The following BCAS1 variants were observed in gnomAD, a reference collection of about 807,000 sequenced individuals.
BCAS1 encodes brain enriched myelin associated protein 1.
In BCAS1, 46 loss-of-function variants were observed where a neutral mutation model predicts 65.4. The ratio of observed to expected loss-of-function variants is 0.70; its 90% CI spans 0.55 to 0.90. BCAS1 has a LOEUF of 0.90. Ranked by LOEUF, BCAS1 falls within the 40% of genes least tolerant of loss-of-function variation. BCAS1 has a pLI of 0.00. For synonymous variants in BCAS1, 298 were observed against 293.5 expected, an observed-to-expected ratio of 1.02 and a Z score of -0.16; for missense variants, 793 against 771.2, an observed-to-expected ratio of 1.03 and a Z score of -0.33.
At chr20:53,964,437 A>T (rs2089973326) in intron 10 of BCAS1, among the ~76,000 whole-genome samples, 1 of 152,224 alleles carries the variant, frequency 6.6e-6, no homozygotes, top group South Asian at 2.1e-4. Context: ...TTTTAAAGTA[A>T]ATTCCAACAA....
chr20:53,944,377 C>T lies in BCAS1; in HGVS notation c.*545G>A, dbSNP rs936723397. Reference sequence around the variant, plus strand: ...AGGGTGGAGTGCAATGGTGCAACTTCGGCTCACTGCAACCTCCACCTCCTG... The same window carrying T: ...AGGGTGGAGTGCAATGGTGCAACTTTGGCTCACTGCAACCTCCACCTCCTG... On this transcript the variant is annotated 3_prime_UTR_variant, in exon 13 of 13. Transcript: ENST00000688948. 3.3e-5 allele frequency: 5 copies of T among 152,820 alleles called. No homozygotes were observed. Among genetic ancestry groups the T allele is most frequent in the African/African-American group, 1.2e-4 (5 of 41,208 alleles). 9.5% of individuals were successfully genotyped at this position (152,820 alleles called of 1,614,324 possible). A position where few individuals can be genotyped will look rare whatever the true frequency, so the allele number is the denominator to read the frequency against.
intron 10 of BCAS1, among the ~76,000 whole-genome samples, chr20:53,966,282 G>A (rs2090023614): frequency 6.6e-6 from 1 of 152,188 alleles, no homozygotes; most frequent in Non-Finnish European, 1.5e-5. Context: ...GTACACCATG[G>A]AATACTACTC....
intron 4 of BCAS1, among the ~76,000 whole-genome samples, chr20:54,005,898 TA>T (rs1369012379): frequency 6.6e-6 from 1 of 151,938 alleles, no homozygotes; most frequent in Non-Finnish European, 1.5e-5. Context: ...GGGGAGGGTT[TA>T]GGGGGCAGGT....
intron 10 of BCAS1, 144 bp downstream of exon 10, chr20:53,966,762 T>A: frequency 1.4e-6 from 1 of 714,196 alleles, no homozygotes; most frequent in Non-Finnish European, 2.2e-6. Context: ...AAAGGGAATT[T>A]TCTCACTATG....
intron 4 of BCAS1, among the ~76,000 whole-genome samples, chr20:54,002,464 C>T (rs2091080024): frequency 1.3e-5 from 2 of 152,212 alleles, no homozygotes; most frequent in Admixed American, 1.3e-4. Flanking sequence ...AAAGCTTCTA[C>T]TCTGTTAATA....
intron 4 of BCAS1, among the ~76,000 whole-genome samples, chr20:54,024,065 G>T (rs183263133): frequency 6.6e-6 from 1 of 152,320 alleles, no homozygotes; most frequent in Non-Finnish European, 1.5e-5. Flanking sequence ...CTAAAAGTGT[G>T]AACAATGTGA....
intron 4 of BCAS1, among the ~76,000 whole-genome samples, chr20:54,001,477 C>T (rs1312878344): frequency 6.6e-6 from 1 of 152,192 alleles, no homozygotes; most frequent in Non-Finnish European, 1.5e-5. Context: ...TTCACCTCCC[C>T]AGTTGTTCTT....
chr20:53,986,900 T>C (rs1462986322), intron 7 of BCAS1, among the ~76,000 whole-genome samples: 1 of 152,062 alleles, frequency 6.6e-6, no homozygotes, highest in Non-Finnish European at 1.5e-5. Context: ...AAAAAAAATA[T>C]AGAATATGGA....
intron 3 of BCAS1, among the ~76,000 whole-genome samples, chr20:54,043,297 TTGA>T (rs3831640): frequency 0.7 from 105,450 of 149,848 alleles, 37,425 homozygotes; most frequent in East Asian, 0.89. Context: ...CTATGATAAC[TTGA>T]TGATGATGAT....
At chr20:53,995,768 C>G (rs2090890854) in intron 5 of BCAS1, 124 bp downstream of exon 5, 1 of 1,139,462 alleles carries the variant, frequency 8.8e-7, no homozygotes, top group Non-Finnish European at 1.2e-6. Context: ...CCTGTTCTCT[C>G]CCATGCTCCA....
chr20:53,974,393 G>A (rs147300781), intron 9 of BCAS1, among the ~76,000 whole-genome samples: 4 of 152,254 alleles, frequency 2.6e-5, no homozygotes, highest in East Asian at 1.9e-4. Flanking sequence ...AGAACCCACC[G>A]GAAGGAACCA....
chr20:54,033,932 A>G (rs2091851313), intron 3 of BCAS1, among the ~76,000 whole-genome samples: 1 of 151,432 alleles, frequency 6.6e-6, no homozygotes, highest in South Asian at 2.1e-4. Flanking sequence ...GCAGCACACC[A>G]AAAAGCTTAT....
chr20:54,062,792 CT>C (rs1191630322), intron 1 of BCAS1, among the ~76,000 whole-genome samples: 1 of 152,174 alleles, frequency 6.6e-6, no homozygotes, highest in African/African-American at 2.4e-5. Context: ...AATGGCGTGT[CT>C]TTTTCAGTGA....
intron 3 of BCAS1, among the ~76,000 whole-genome samples, chr20:54,034,321 T>C (rs934267519): frequency 6.6e-6 from 1 of 151,164 alleles, no homozygotes; most frequent in Non-Finnish European, 1.5e-5. Context: ...CGCATCCAAA[T>C]AGGAAGAGAG....
In BCAS1 at chr20:53,957,351, G is replaced by T. The variant is rs566986763; in HGVS notation, c.1551+81C>A. On this transcript the variant is annotated intron_variant, in intron 11 of 12. Coordinates refer to ENST00000688948, the MANE Select transcript of BCAS1 (RefSeq NM_001366298.2). ...TATTAAATGAGTTGGCTGTGGCTGA[G>T]AATTTTATTGAAAAGTATACTGTGA... 2.9e-5 allele frequency: 39 copies of T among 1,326,922 alleles called. No individual in the cohort carries two copies. The East Asian group carries it at 8.5e-4, about 29-fold the overall frequency. 82.2% of individuals were successfully genotyped at this position (1,326,922 alleles called of 1,614,324 possible).
chr20:54,021,903 TTAAAA>T (rs139577586), intron 4 of BCAS1, among the ~76,000 whole-genome samples: 5,675 of 152,134 alleles, frequency 0.037, 138 homozygotes, highest in Middle Eastern at 0.095. Context: ...ACCCCAGAAC[TTAAAA>T]TAAAAATTAC....
rs138243127 is a variant in BCAS1, at chr20:53,947,011, G to A, written c.1816-2015C>T. 3.6e-3 allele frequency among the ~76,000 whole-genome samples: 552 copies of A among 152,222 alleles called. 4 individuals are homozygous for A. The highest frequency in any genetic ancestry group is 0.012 in the African/African-American group (503 of 41,520). On this transcript the variant is annotated intron_variant, in intron 12 of 12. Coordinates refer to ENST00000688948, the MANE Select transcript of BCAS1 (RefSeq NM_001366298.2). The stretch of plus-strand genomic sequence containing the variant: ...AGTATATGTATATAGTACATAGACT[G>A]TGTAGTGCCCTGTATAATCTAGCAT...
At chr20:54,012,272 A>C (rs2091337475) in intron 4 of BCAS1, among the ~76,000 whole-genome samples, 1 of 152,144 alleles carries the variant, frequency 6.6e-6, no homozygotes, top group Non-Finnish European at 1.5e-5. Context: ...AAGTGGATGC[A>C]CCTGAACAGT....
At chr20:53,952,601 C>T (rs1274722240) in intron 12 of BCAS1, among the ~76,000 whole-genome samples, 1 of 152,196 alleles carries the variant, frequency 6.6e-6, no homozygotes, top group African/African-American at 2.4e-5. Flanking sequence ...GTAAACAAAC[C>T]AAAACCTACC....
Sources: gnomAD v4.1 joint callset for allele counts (sites outside exome capture counted in the v4.1 genomes callset) on GRCh38, gnomAD v4.1.1 for gene constraint, MANE v1.5 for transcripts, NCBI Gene and HGNC (gene_info 2026-07-23, HGNC 2026-07-21) for gene names.